ART3: variants seen among roughly 807,000 people sequenced by gnomAD.
ART3 encodes the protein ADP-ribosyltransferase 3 (inactive), also known as ecto-ADP-ribosyltransferase 3.
ART3 carries 49 observed loss-of-function variants against 48.5 expected under a neutral mutation model. The ratio of observed to expected loss-of-function variants is 1.01; its 90% CI spans 0.80 to 1.28. The LOEUF is 1.28. ART3 is among the 50% of genes most tolerant of loss of function. ART3 has a pLI of 0.00. For synonymous variants in ART3, 145 were observed against 157.2 expected, an observed-to-expected ratio of 0.92 and a Z score of 0.58; for missense variants, 438 against 454.3, an observed-to-expected ratio of 0.96 and a Z score of 0.33.
At chr4:76,049,367 G>A (rs1348323164) in intron 1 of ART3, among the ~76,000 whole-genome samples, 1 of 151,858 alleles carries the variant, frequency 6.6e-6, no homozygotes, top group Admixed American at 6.6e-5. Context: ...TTTCTTGGGC[G>A]ACATGCTTTT....
At chr4:76,075,122 A>T (rs1157004225) in intron 1 of ART3, 1 of 152,190 alleles carries the variant, frequency 6.6e-6, no homozygotes, top group Non-Finnish European at 1.5e-5. Context: ...AGAATCCAGA[A>T]TATGGTGATT....
chr4:76,047,845 G>A (rs1279529667), intron 1 of ART3, among the ~76,000 whole-genome samples: 3 of 151,916 alleles, frequency 2.0e-5, no homozygotes, highest in Non-Finnish European at 2.9e-5. Context: ...CTCTCCAAGC[G>A]AGGTCAAAGG....
chr4:76,087,092 C>T (rs1301946932), intron 3 of ART3, among the ~76,000 whole-genome samples: 2 of 152,174 alleles, frequency 1.3e-5, no homozygotes, highest in Admixed American at 1.3e-4. Context: ...TATATCAAAG[C>T]CCTGGCTGCA....
At chr4:76,103,068 A>G (rs937029030) in intron 8 of ART3, among the ~76,000 whole-genome samples, 1 of 152,120 alleles carries the variant, frequency 6.6e-6, no homozygotes, top group Non-Finnish European at 1.5e-5. Context: ...ATAAGGTCAA[A>G]TTAATTTTCA....
intron 1 of ART3, among the ~76,000 whole-genome samples, chr4:76,032,741 G>C (rs6532104): frequency 0.61 from 92,276 of 151,190 alleles, 29,178 homozygotes; most frequent in East Asian, 0.94. Flanking sequence ...CGTGCCAGCA[G>C]CCTCGGCTAA....
chr4:76,101,171 G>C (rs1279918458), intron 8 of ART3, 152 bp downstream of exon 8: 1 of 848,206 alleles, frequency 1.2e-6, no homozygotes, highest in Non-Finnish European at 1.8e-6. Context: ...ACTCTCCTGG[G>C]TTTCAGGTAG....
intron 1 of ART3, among the ~76,000 whole-genome samples, chr4:76,026,207 C>T (rs190695965): frequency 6.6e-5 from 10 of 152,102 alleles, no homozygotes; most frequent in Admixed American, 6.5e-4. Flanking sequence ...TTTTAGCTGG[C>T]TTGTACCTTC....
intron 1 of ART3, among the ~76,000 whole-genome samples, chr4:76,064,089 T>C (rs1416672863): frequency 6.6e-6 from 1 of 152,094 alleles, no homozygotes; most frequent in Non-Finnish European, 1.5e-5. Flanking sequence ...TACCCAGGGA[T>C]TCAATTGAAA....
At chr4:76,108,813 T>G (rs1728948024) in intron 11 of ART3, among the ~76,000 whole-genome samples, 1 of 152,230 alleles carries the variant, frequency 6.6e-6, no homozygotes, top group Admixed American at 6.5e-5. Flanking sequence ...CTATAAACCT[T>G]TACAGCATGT....
At chr4:76,032,096 A>G (rs964691341) in intron 1 of ART3, among the ~76,000 whole-genome samples, 7 of 152,188 alleles carry the variant, frequency 4.6e-5, no homozygotes, top group Non-Finnish European at 8.8e-5. Context: ...AATATTTCAT[A>G]TATTTATTTT....
At chr4:76,073,251 A>G (rs1255611863), upstream of ART3, among the ~76,000 whole-genome samples, 2 of 152,242 alleles carry the variant, frequency 1.3e-5, no homozygotes, top group Non-Finnish European at 2.9e-5. Context: ...CAAAACAGGA[A>G]TGGAGGCCAG....
chr4:76,070,506 T>TCAATA (rs1473407607), upstream of ART3, among the ~76,000 whole-genome samples: 2 of 152,212 alleles, frequency 1.3e-5, no homozygotes, highest in East Asian at 3.8e-4. Context: ...CTTTTGCCCG[T>TCAATA]AATCATTCAA....
At chr4:76,078,965 C>G (rs1721780220) in intron 2 of ART3, among the ~76,000 whole-genome samples, 1 of 152,074 alleles carries the variant, frequency 6.6e-6, no homozygotes, top group African/African-American at 2.4e-5. Flanking sequence ...TCTGTAGTCC[C>G]AGCTACTGGG....
intron 1 of ART3, among the ~76,000 whole-genome samples, chr4:76,051,082 G>A (rs189847148): frequency 2.9e-4 from 44 of 152,382 alleles, no homozygotes; most frequent in Admixed American, 2.2e-3. Context: ...TCCGGCCTTG[G>A]CCAGCCCAGA....
chr4:76,087,140 A>G (rs1269786894), intron 3 of ART3, among the ~76,000 whole-genome samples: 1 of 152,156 alleles, frequency 6.6e-6, no homozygotes, highest in Non-Finnish European at 1.5e-5. Context: ...GGTCTGGTTG[A>G]TGGGCTGAGG....
chr4:76,034,995 G>A (rs761066501), intron 1 of ART3: 114 of 1,511,208 alleles, frequency 7.5e-5, no homozygotes, highest in Non-Finnish European at 1.0e-4. Context: ...TTTTTCAAAA[G>A]ATCTGTCTTG....
At chr4:76,108,287 A>T (rs780913593) in intron 11 of ART3, among the ~76,000 whole-genome samples, 1 of 152,120 alleles carries the variant, frequency 6.6e-6, no homozygotes, top group Non-Finnish European at 1.5e-5. Context: ...ATTGGAAGCT[A>T]TTCTATACAG....
intron 1 of ART3, among the ~76,000 whole-genome samples, chr4:76,041,689 C>T (rs1460031920): frequency 6.6e-6 from 1 of 152,104 alleles, no homozygotes; most frequent in Non-Finnish European, 1.5e-5. Context: ...ATTACTAAGT[C>T]TTCAAATTGA....
chr4:76,022,943 G>A, intron 1 of ART3: 1 of 907,322 alleles, frequency 1.1e-6, no homozygotes, highest in Non-Finnish European at 1.7e-6. Context: ...ATCTGAGGAG[G>A]AATGGATCAC....
Sources: gnomAD v4.1 joint callset for allele counts (sites outside exome capture counted in the v4.1 genomes callset) on GRCh38, gnomAD v4.1.1 for gene constraint, MANE v1.5 for transcripts, NCBI Gene and HGNC (gene_info 2026-07-23, HGNC 2026-07-21) for gene names.